The following CHKA variants were observed in gnomAD, a reference collection of about 807,000 sequenced individuals.
The protein encoded by CHKA is CHETK-alpha.
Under a neutral mutation model 60.1 loss-of-function variants are expected in CHKA, and 34 were observed. The ratio of observed to expected loss-of-function variants is 0.57; its 90% CI spans 0.43 to 0.75. The LOEUF (loss-of-function observed/expected upper bound fraction) is 0.75. Among genes scored for constraint, CHKA ranks in the 30% least tolerant of loss-of-function variants. The probability of loss-of-function intolerance (pLI) is 0.00; values close to 1 mark genes in which losing one functional copy is unlikely to be tolerated. For missense variants in CHKA, 563 were observed against 561.3 expected (o/e 1.00, Z -0.03); for synonymous variants, 217 against 223.1 (o/e 0.97, Z 0.24).
intron 1 of CHKA, among the ~76,000 whole-genome samples, chr11:68,117,371 T>C (rs889453066): frequency 2.6e-5 from 4 of 152,058 alleles, no homozygotes; most frequent in Non-Finnish European, 5.9e-5. Flanking sequence ...TTTAAAACAG[T>C]AATAACAAAA....
chr11:68,055,549 C>G (rs1482484618), intron 11 of CHKA, among the ~76,000 whole-genome samples: 2 of 152,216 alleles, frequency 1.3e-5, no homozygotes, highest in Admixed American at 1.3e-4. Context: ...CCAGCAGCAG[C>G]GCATGCGCAT....
chr11:68,079,878 G>A (rs1431367337), intron 3 of CHKA, among the ~76,000 whole-genome samples: 1 of 152,146 alleles, frequency 6.6e-6, no homozygotes, highest in Non-Finnish European at 1.5e-5. Context: ...GACCGAGGGA[G>A]ACAGGACAAC....
chr11:68,065,788 G>A lies in CHKA; in HGVS notation c.1123C>T (p.Gln375Ter). ...GTATACAAAAACTCATCTCCTACCT[G>A]TTGTTTCTTGGTGGGATACTTCCGG... ...NIRKYPTKKQ[Q>*]LHFISSYLPA... Residue 375 changes from glutamine (Q) to a stop codon, truncating the protein, a stop_gained and splice_region_variant, in exon 9 of 12, where the codon CAG (glutamine) becomes TAG (stop). Transcript: ENST00000265689. LOFTEE classifies it high-confidence loss of function. 6.3e-7 allele frequency: 1 copy of A among 1,587,580 alleles called. No homozygotes were observed. The highest frequency in any genetic ancestry group is 1.1e-5 in the South Asian group (1 of 90,516).
At chr11:68,118,613 C>T (rs1244158275) in intron 1 of CHKA, among the ~76,000 whole-genome samples, 1 of 152,182 alleles carries the variant, frequency 6.6e-6, no homozygotes, top group Non-Finnish European at 1.5e-5. Context: ...CTAGACATCA[C>T]CCACTTTCCC....
chr11:68,062,947 C>T (rs1856304264), intron 10 of CHKA, among the ~76,000 whole-genome samples: 1 of 152,086 alleles, frequency 6.6e-6, no homozygotes. Context: ...GTGACTTAAA[C>T]AGCCATTCTA....
chr11:68,112,889 T>C (rs1275399521), intron 1 of CHKA, among the ~76,000 whole-genome samples: 2 of 151,564 alleles, frequency 1.3e-5, no homozygotes, highest in Admixed American at 6.6e-5. Flanking sequence ...AAGACCATCC[T>C]GGCTAACACA....
intron 1 of CHKA, among the ~76,000 whole-genome samples, chr11:68,101,541 T>C (rs1857724641): frequency 1.3e-5 from 2 of 151,996 alleles, no homozygotes; most frequent in African/African-American, 2.4e-5. Flanking sequence ...GAAGATCACT[T>C]GAGCCCAGGA....
chr11:68,079,748 T>C (rs979354308), intron 3 of CHKA, among the ~76,000 whole-genome samples: 16 of 152,168 alleles, frequency 1.1e-4, no homozygotes, highest in African/African-American at 2.4e-4. Context: ...GGCGATTTCA[T>C]GGCGAGTTTG....
intron 2 of CHKA, among the ~76,000 whole-genome samples, chr11:68,093,894 T>C (rs1231524391): frequency 6.6e-6 from 1 of 152,254 alleles, no homozygotes; most frequent in Non-Finnish European, 1.5e-5. Context: ...ACAGCCACAC[T>C]TGCCACATTC....
chr11:68,054,493 C>T (rs527347017), intron 11 of CHKA, among the ~76,000 whole-genome samples: 16 of 152,128 alleles, frequency 1.1e-4, no homozygotes, highest in Non-Finnish European at 2.1e-4. Context: ...CCGGGATCTC[C>T]TGCAGCATGA....
chr11:68,081,684 G>A (rs1298406711), intron 2 of CHKA: 40 of 460,066 alleles, frequency 8.7e-5, no homozygotes, highest in Non-Finnish European at 1.2e-4. Context: ...GGGATGTGCC[G>A]GTGAGACCCG....
At chr11:68,066,378 C>T (rs1300841398) in intron 8 of CHKA, 51 bp downstream of exon 8, 5 of 1,397,580 alleles carry the variant, frequency 3.6e-6, no homozygotes, top group East Asian at 2.3e-5. Context: ...TTAAGCATAT[C>T]GTAATGATAA....
intron 1 of CHKA, among the ~76,000 whole-genome samples, chr11:68,114,070 C>T (rs1858288046): frequency 1.3e-5 from 2 of 151,956 alleles, no homozygotes; most frequent in Admixed American, 6.6e-5. Context: ...ATGCTGACAC[C>T]ACCAAATGCT....
chr11:68,083,934 AG>A (rs772914967), intron 2 of CHKA, among the ~76,000 whole-genome samples: 2 of 152,078 alleles, frequency 1.3e-5, no homozygotes, highest in African/African-American at 2.4e-5. Context: ...TTTTTCGTCC[AG>A]GAAGACAGGA....
In CHKA at chr11:68,080,433, C is replaced by A. The variant is rs1025199972; in HGVS notation, c.516+971G>T. On this transcript the variant is annotated intron_variant, in intron 3 of 11. Transcript: ENST00000265689. ...CACAATCTCGGTCTACTGCAACCTC[C>A]GCCTCCCAGGTTCAAGTAATTCTCC... Among the ~76,000 whole-genome samples, 3 of 152,000 alleles carry A rather than the reference C, an allele frequency of 2.0e-5. No individual in the cohort carries two copies. In the South Asian group the frequency reaches 6.2e-4, roughly 31 times the overall value.
intron 3 of CHKA, 84 bp from the exon 4 acceptor site, chr11:68,074,914 A>C: frequency 8.5e-7 from 1 of 1,172,894 alleles, no homozygotes; most frequent in Non-Finnish European, 1.3e-6. Context: ...GGAGTGTTTC[A>C]TCTGATCCTC....
chr11:68,068,759 G>C (rs1318047579), intron 7 of CHKA, 120 bp downstream of exon 7: 1 of 644,568 alleles, frequency 1.6e-6, no homozygotes, highest in African/African-American at 1.8e-5. Flanking sequence ...TTGTCTGGTT[G>C]TATCATACTT....
chr11:68,120,348 A>T (rs1293174067), intron 1 of CHKA, among the ~76,000 whole-genome samples: 2 of 152,070 alleles, frequency 1.3e-5, no homozygotes, highest in African/African-American at 4.8e-5. Context: ...AGAAAATGCT[A>T]CTCCTCCACT....
chr11:68,120,942 G>A lies in CHKA; in HGVS notation c.236C>T (p.Ala79Val). 1 of 1,180,890 alleles carries A rather than the reference G, an allele frequency of 8.5e-7. No individual in the cohort carries two copies. The highest frequency in any genetic ancestry group is 1.1e-6 in the Non-Finnish European group (1 of 949,364). The allele number at this position is 1,180,890 out of a possible 1,614,324, so 73.2% of individuals were successfully genotyped here. A position where few individuals can be genotyped will look rare whatever the true frequency, so the allele number is the denominator to read the frequency against. Residue 79 changes from alanine to valine, a missense_variant, in exon 1 of 12, where the codon GCA becomes GTA. Ala to Val is a moderately conservative substitution (Grantham distance 64, BLOSUM62 0). Coordinates refer to ENST00000265689, the MANE Select transcript of CHKA (RefSeq NM_001277.3). Reference protein sequence around the residue: ...LPQPPPPQPPADEQPEPRTRR... With the variant: ...LPQPPPPQPPVDEQPEPRTRR... ...CGTCCGGGGCTCCGGCTGCTCGTCT[G>A]CGGGCGGCTGCGGCGGCGGGGGCTG...
Sources: gnomAD v4.1 joint callset for allele counts (sites outside exome capture counted in the v4.1 genomes callset) on GRCh38, gnomAD v4.1.1 for gene constraint, MANE v1.5 for transcripts, NCBI Gene and HGNC (gene_info 2026-07-23, HGNC 2026-07-21) for gene names.